SEMA6A: variants seen among roughly 807,000 people sequenced by gnomAD.
SEMA6A encodes semaphorin-6A.
A neutral mutation model predicts 96.8 loss-of-function variants in SEMA6A; 25 were observed. That is an observed-to-expected ratio of 0.26 (90% CI 0.19 to 0.36). The LOEUF (loss-of-function observed/expected upper bound fraction) is 0.36. Among genes scored for constraint, SEMA6A ranks in the 10% least tolerant of loss-of-function variants. The pLI, the probability that SEMA6A is intolerant of heterozygous loss-of-function variation, is 1.00. For synonymous variants in SEMA6A, 612 were observed against 518.0 expected, an observed-to-expected ratio of 1.18 and a Z score of -2.46; for missense variants, 1,363 against 1,323.1, an observed-to-expected ratio of 1.03 and a Z score of -0.47.
At position 116,447,303 on chromosome 5, in the gene SEMA6A, C is replaced by T. The variant is rs369238274; in HGVS notation, c.2403G>A (p.Thr801=). ...MPPMGSPVIP[T]DLPLRASPSH... is the part of the protein sequence containing the mutation. ...TGGGGGAGGCCCGCAGGGGCAGGTCCGTGGGAATCACAGGGGAGCCCATGG... is the reference window on the plus strand; with the variant it reads ...TGGGGGAGGCCCGCAGGGGCAGGTCTGTGGGAATCACAGGGGAGCCCATGG... Residue 801 remains threonine, a synonymous_variant, in exon 19 of 19, where the codon ACG becomes ACA. Coordinates refer to ENST00000343348, the MANE Select transcript of SEMA6A (RefSeq NM_020796.5). 8.7e-6 allele frequency: 14 copies of T among 1,613,666 alleles called. No individual in the cohort carries two copies. Among genetic ancestry groups the T allele is most frequent in the East Asian group, 6.7e-5 (3 of 44,888 alleles).
intron 1 of SEMA6A, among the ~76,000 whole-genome samples, chr5:116,565,852 A>T (rs1761003839): frequency 6.6e-6 from 1 of 152,182 alleles, no homozygotes; most frequent in African/African-American, 2.4e-5. Flanking sequence ...TCAGGAAAGG[A>T]ACGTTTCCAT....
chr5:116,563,460 CAAAG>C (rs906347390), intron 1 of SEMA6A, among the ~76,000 whole-genome samples: 1 of 152,090 alleles, frequency 6.6e-6, no homozygotes, highest in Admixed American at 6.5e-5. Flanking sequence ...CATGGCAAGA[CAAAG>C]GAAGCAAGTT....
intron 1 of SEMA6A, among the ~76,000 whole-genome samples, chr5:116,506,596 C>T (rs1311312277): frequency 2.0e-5 from 3 of 148,704 alleles, no homozygotes; most frequent in Non-Finnish European, 3.0e-5. Flanking sequence ...TTCAGTACAG[C>T]ATTAAAGGGC....
chr5:116,552,641 A>G (rs1199484909), intron 1 of SEMA6A, among the ~76,000 whole-genome samples: 1 of 152,186 alleles, frequency 6.6e-6, no homozygotes, highest in African/African-American at 2.4e-5. Flanking sequence ...GTGAGGGAGC[A>G]TCAGGCCACA....
At chr5:116,484,300 G>A (rs781313612) in intron 10 of SEMA6A, among the ~76,000 whole-genome samples, 1 of 152,148 alleles carries the variant, frequency 6.6e-6, no homozygotes, top group Non-Finnish European at 1.5e-5. Context: ...TAGTCTTCCT[G>A]AGGTTAGAAT....
chr5:116,549,412 C>T (rs1049698834), intron 1 of SEMA6A, among the ~76,000 whole-genome samples: 2 of 152,064 alleles, frequency 1.3e-5, no homozygotes, highest in African/African-American at 4.8e-5. Flanking sequence ...ACCATAAAGC[C>T]CTCATGGATT....
chr5:116,460,781 C>G (rs1755338711), intron 18 of SEMA6A, among the ~76,000 whole-genome samples: 1 of 106,142 alleles, frequency 9.4e-6, no homozygotes. Flanking sequence ...AATTGTTAAT[C>G]TCTTTTTTTT....
At chr5:116,455,837 A>C (rs763794865) in intron 18 of SEMA6A, among the ~76,000 whole-genome samples, 48 of 152,252 alleles carry the variant, frequency 3.2e-4, no homozygotes, top group Admixed American at 1.8e-3. Context: ...TGGCTCTACA[A>C]ATAGCTAACT....
At position 116,446,520 on chromosome 5, in the gene SEMA6A, TG is replaced by T; in HGVS notation, c.*92del. 9.2e-7 allele frequency: 1 copy of T among 1,092,330 alleles called. No homozygotes were observed. The highest frequency in any genetic ancestry group is 1.3e-6 in the Non-Finnish European group (1 of 788,932). The allele number at this position is 1,092,330 out of a possible 1,614,324, so 67.7% of individuals were successfully genotyped here. A position where few individuals can be genotyped will look rare whatever the true frequency, so the allele number is the denominator to read the frequency against. ...GGCTCTGCCGCAGGCCTTCTTGGTC[TG>T]GTGGGTACTCGAGGCAGTTGAGAAC... On this transcript the variant is annotated 3_prime_UTR_variant, in exon 19 of 19. Coordinates refer to ENST00000343348, the MANE Select transcript of SEMA6A (RefSeq NM_020796.5).
intron 1 of SEMA6A, among the ~76,000 whole-genome samples, chr5:116,509,588 AAGGG>A (rs1758310095): frequency 2.2e-5 from 3 of 138,340 alleles, no homozygotes; most frequent in Non-Finnish European, 4.6e-5. Flanking sequence ...CCCAGTGAAG[AAGGG>A]TGTCTCTGTG....
intron 2 of SEMA6A, among the ~76,000 whole-genome samples, chr5:116,503,804 C>T (rs1391295578): frequency 6.6e-6 from 1 of 152,084 alleles, no homozygotes; most frequent in Non-Finnish European, 1.5e-5. Context: ...CGTAAGCCAC[C>T]GCGCCCTGCC....
At chr5:116,545,304 T>C (rs1004984366) in intron 1 of SEMA6A, among the ~76,000 whole-genome samples, 1 of 152,040 alleles carries the variant, frequency 6.6e-6, no homozygotes, top group South Asian at 2.1e-4. Context: ...GGCACGTGGG[T>C]CATGCCTGTA....
chr5:116,521,657 T>A (rs575645128), intron 1 of SEMA6A, among the ~76,000 whole-genome samples: 1 of 151,762 alleles, frequency 6.6e-6, no homozygotes, highest in South Asian at 2.1e-4. Flanking sequence ...CTTGAGCCAA[T>A]CCATCTGGGG....
At chr5:116,514,277 C>T (rs1461493614) in intron 1 of SEMA6A, among the ~76,000 whole-genome samples, 2 of 152,216 alleles carry the variant, frequency 1.3e-5, no homozygotes, top group Admixed American at 6.5e-5. Context: ...TTTTGCTCCA[C>T]AACCTTGCTA....
At chr5:116,545,519 G>C (rs555947607) in intron 1 of SEMA6A, among the ~76,000 whole-genome samples, 1 of 152,052 alleles carries the variant, frequency 6.6e-6, no homozygotes, top group Non-Finnish European at 1.5e-5. Flanking sequence ...GTAGTGAGCC[G>C]AGATTGCGCC....
At position 116,525,103 on chromosome 5, in the gene SEMA6A, A is replaced by G. The variant is rs115748598; in HGVS notation, c.-38-20121T>C. ...ACTCAACCCTGATCACTTTGTAAAC[A>G]TGGCCTTTGAAGTCTGGGTTGTTTA... On this transcript the variant is annotated intron_variant, in intron 1 of 18. Coordinates refer to ENST00000343348, the MANE Select transcript of SEMA6A (RefSeq NM_020796.5). 3.8e-3 allele frequency among the ~76,000 whole-genome samples: 581 copies of G among 152,320 alleles called. 8 individuals are homozygous for G. The highest frequency in any genetic ancestry group is 0.013 in the African/African-American group (552 of 41,568).
Position 116,477,874 on chromosome 5 carries a change from C to T in SEMA6A, c.1621G>A (p.Ala541Thr), listed in dbSNP as rs762642720. 2 of 1,613,968 alleles carry T rather than the reference C, an allele frequency of 1.2e-6. No homozygotes were observed. Among genetic ancestry groups the T allele is most frequent in the Admixed American group, 1.7e-5 (1 of 60,018 alleles). The change falls in exon 15 of 19, where the codon GCC becomes ACC. Residue 541 changes from alanine (A) to threonine (T), a missense_variant. Transcript: ENST00000343348. ...PYCGWIKEGG[A>T]CSHLSPNSRL... ...CTGTTGGGTGATAAATGGCTGCAGG[C>T]ACCACCTTCCTTTATCCATCCACAA...
At chr5:116,562,920 C>T in intron 1 of SEMA6A, 1 of 591,148 alleles carries the variant, frequency 1.7e-6, no homozygotes, top group Non-Finnish European at 3.2e-6. Flanking sequence ...CCCTTGCCCC[C>T]TCGGGTATGA....
At chr5:116,495,588 TTGGCTGACAGTAAGGTTAAAGTGGAGG>T in intron 5 of SEMA6A, 74 bp from the exon 6 acceptor site, 2 of 1,115,382 alleles carry the variant, frequency 1.8e-6, no homozygotes, top group South Asian at 2.8e-5. Context: ...TATGCCATGG[TTGGCTGACAGTAAGGTTAAAGTGGAGG>T]TGGCTGAGGA....
Sources: allele counts gnomAD v4.1 joint callset (sites outside exome capture counted in the v4.1 genomes callset), GRCh38; gene constraint gnomAD v4.1.1; transcripts MANE v1.5; gene names NCBI Gene and HGNC (gene_info 2026-07-23, HGNC 2026-07-21).